PAM: variants seen among roughly 807,000 people sequenced by gnomAD.
The protein encoded by PAM is peptidyl-glycine alpha-amidating monooxygenase.
Under a neutral mutation model 122.1 loss-of-function variants are expected in PAM, and 72 were observed. The observed-to-expected ratio is 0.59, with a 90% CI of 0.49 to 0.72. PAM has a LOEUF of 0.72. Ranked by LOEUF, PAM falls within the 30% of genes least tolerant of loss-of-function variation. The pLI is 0.00. For synonymous variants in PAM, 389 were observed against 404.4 expected, an observed-to-expected ratio of 0.96 and a Z score of 0.46; for missense variants, 1,106 against 1,183.7, an observed-to-expected ratio of 0.93 and a Z score of 0.96.
At chr5:102,900,238 T>G in intron 3 of PAM, among the ~76,000 whole-genome samples, 1 of 98,678 alleles carries the variant, frequency 1.0e-5, no homozygotes, top group South Asian at 3.8e-4. Context: ...TCTTCAGGTC[T>G]CTTAATGTGT....
At chr5:102,777,728 CT>C (rs2149819744) in intron 1 of PAM, among the ~76,000 whole-genome samples, 1 of 152,184 alleles carries the variant, frequency 6.6e-6, no homozygotes, top group African/African-American at 2.4e-5. Context: ...ATTCCCGGGC[CT>C]GTTTTCCTCT....
chr5:102,806,956 C>G (rs1052307924), intron 1 of PAM, among the ~76,000 whole-genome samples: 1 of 152,132 alleles, frequency 6.6e-6, no homozygotes, highest in Non-Finnish European at 1.5e-5. Flanking sequence ...ACAAGGGAAA[C>G]ATTAAAAGGT....
chr5:102,769,524 T>C (rs1017016970), intron 1 of PAM, among the ~76,000 whole-genome samples: 4 of 152,180 alleles, frequency 2.6e-5, no homozygotes, highest in Admixed American at 1.3e-4. Context: ...TGATTTGATT[T>C]TTGTATATGG....
intron 5 of PAM, among the ~76,000 whole-genome samples, chr5:102,915,433 A>G (rs1449715754): frequency 6.6e-6 from 1 of 152,148 alleles, no homozygotes; most frequent in Non-Finnish European, 1.5e-5. Flanking sequence ...CATATCACAT[A>G]GGAACCCAAC....
At chr5:102,784,306 G>T (rs1759906294) in intron 1 of PAM, among the ~76,000 whole-genome samples, 1 of 152,106 alleles carries the variant, frequency 6.6e-6, no homozygotes, top group Admixed American at 6.5e-5. Flanking sequence ...AGCTGCTCCT[G>T]CCTATGTGCT....
rs774379347 is a variant in PAM at position 102,950,765 on chromosome 5, C to G, written c.850C>G (p.Leu284Val). 1.2e-6 allele frequency: 2 copies of G among 1,612,318 alleles called. No homozygotes were observed. The highest frequency in any genetic ancestry group is 3.3e-5 in the Admixed American group (2 of 59,914). The change falls in exon 12 of 26, where the codon CTG (leucine) becomes GTG (valine). Residue 284 changes from leucine to valine, a missense_variant. Physicochemically the swap from Leu to Val is conservative, Grantham distance 32. This residue lies in a region of PAM where 670 missense variants were observed against 690.3 expected (regional missense o/e 0.97). Coordinates refer to ENST00000438793, the MANE Select transcript of PAM (RefSeq NM_001177306.2). ...AGTTGATGTAAGTTTTGGTGACCTA[C>G]TGGCTGCAAGATGTGTATTCACTGG... ...HPVDVSFGDLLAARCVFTGEG... is the reference protein window; with the variant it reads ...HPVDVSFGDLVAARCVFTGEG...
chr5:102,905,096 GT>G (rs1002223556), intron 4 of PAM, among the ~76,000 whole-genome samples: 7 of 151,312 alleles, frequency 4.6e-5, no homozygotes, highest in Non-Finnish European at 8.9e-5. Context: ...GGCATTGTGT[GT>G]TTTTTTTGTT....
At chr5:102,976,418 A>C (rs1279523335) in intron 15 of PAM, among the ~76,000 whole-genome samples, 1 of 152,130 alleles carries the variant, frequency 6.6e-6, no homozygotes, top group Non-Finnish European at 1.5e-5. Context: ...TGTAAAAAAA[A>C]AAAGTAGGAA....
intron 4 of PAM, among the ~76,000 whole-genome samples, chr5:102,912,943 G>A (rs1801872638): frequency 6.6e-6 from 1 of 152,030 alleles, no homozygotes; most frequent in South Asian, 2.1e-4. Flanking sequence ...GTGAGTCATG[G>A]TGCTATAGTT....
At chr5:102,939,247 C>G (rs1251781368) in intron 7 of PAM, among the ~76,000 whole-genome samples, 1 of 152,040 alleles carries the variant, frequency 6.6e-6, no homozygotes, top group African/African-American at 2.4e-5. Flanking sequence ...AGTTTGGAAA[C>G]CCTTCACCTT....
intron 3 of PAM, among the ~76,000 whole-genome samples, chr5:102,898,720 T>C (rs1796856083): frequency 6.6e-6 from 1 of 151,548 alleles, no homozygotes; most frequent in Non-Finnish European, 1.5e-5. Context: ...GATTCCCTTA[T>C]TTCTCCCATT....
At chr5:102,915,317 T>C (rs567121676) in intron 5 of PAM, among the ~76,000 whole-genome samples, 1 of 152,204 alleles carries the variant, frequency 6.6e-6, no homozygotes, top group Admixed American at 6.6e-5. Flanking sequence ...AACAATATAA[T>C]GTGTATTTGG....
At chr5:102,759,559 A>C (rs61160896) in intron 1 of PAM, among the ~76,000 whole-genome samples, 4,371 of 152,302 alleles carry the variant, frequency 0.029, 111 homozygotes, top group East Asian at 0.14. Context: ...CTTAAAATTC[A>C]TATTTTATAA....
intron 21 of PAM, among the ~76,000 whole-genome samples, chr5:103,012,512 G>A (rs1200914746): frequency 6.6e-6 from 1 of 152,072 alleles, no homozygotes; most frequent in African/African-American, 2.4e-5. Flanking sequence ...ACCATTTATT[G>A]AAAAGACTGT....
At chr5:102,829,652 G>A (rs1170729443) in intron 1 of PAM, among the ~76,000 whole-genome samples, 1 of 152,156 alleles carries the variant, frequency 6.6e-6, no homozygotes, top group Non-Finnish European at 1.5e-5. Flanking sequence ...GGGATTACAG[G>A]CGTGAGCCAC....
chr5:102,973,529 C>T (rs548900329), intron 14 of PAM, among the ~76,000 whole-genome samples: 1 of 152,228 alleles, frequency 6.6e-6, no homozygotes, highest in Non-Finnish European at 1.5e-5. Flanking sequence ...TTATTTTTCT[C>T]ACTTGCTCAT....
intron 14 of PAM, among the ~76,000 whole-genome samples, chr5:102,969,784 A>C (rs1473689330): frequency 3.9e-5 from 6 of 152,140 alleles, no homozygotes; most frequent in Non-Finnish European, 5.9e-5. Flanking sequence ...CAGTTTTGTA[A>C]CACCAGTTTG....
At chr5:102,991,772 G>A (rs924703932) in intron 16 of PAM, among the ~76,000 whole-genome samples, 9 of 152,166 alleles carry the variant, frequency 5.9e-5, no homozygotes, top group Non-Finnish European at 1.0e-4. Context: ...CTGTTGCATC[G>A]TCTTAGTCAT....
chr5:102,988,189 T>C (rs1582598680), intron 15 of PAM, among the ~76,000 whole-genome samples: 2 of 152,212 alleles, frequency 1.3e-5, no homozygotes, highest in Non-Finnish European at 2.9e-5. Context: ...TCTGCAATTA[T>C]AAACATCCTC....
Sources: allele counts gnomAD v4.1 joint callset (sites outside exome capture counted in the v4.1 genomes callset), GRCh38; gene constraint gnomAD v4.1.1; regional missense constraint gnomAD v4.1.1; transcripts MANE v1.5; gene names NCBI Gene and HGNC (gene_info 2026-07-23, HGNC 2026-07-21).